The following CNOT6L variants were observed in gnomAD, a reference collection of about 807,000 sequenced individuals.
CNOT6L encodes CCR4-NOT transcription complex subunit 6-like.
In CNOT6L, 7 loss-of-function variants were observed where a neutral mutation model predicts 64.0. The ratio of observed to expected loss-of-function variants is 0.11; its 90% CI spans 0.06 to 0.21. The LOEUF is 0.21. CNOT6L is among the 10% of genes least tolerant of loss of function. CNOT6L has a pLI of 1.00. For synonymous variants in CNOT6L, 193 were observed against 243.4 expected, an observed-to-expected ratio of 0.79 and a Z score of 1.93; for missense variants, 245 against 669.0, an observed-to-expected ratio of 0.37 and a Z score of 6.99.
chr4:77,762,379 G>T (rs1056297870), intron 4 of CNOT6L, among the ~76,000 whole-genome samples: 1 of 151,754 alleles, frequency 6.6e-6, no homozygotes, highest in Non-Finnish European at 1.5e-5. Flanking sequence ...TAGAACAATG[G>T]GACAGAATAG....
intron 11 of CNOT6L, among the ~76,000 whole-genome samples, chr4:77,724,174 A>C (rs2109861538): frequency 6.6e-6 from 1 of 151,564 alleles, no homozygotes; most frequent in East Asian, 2.0e-4. Context: ...TGTCTCTACC[A>C]AAAAAAACCC....
chr4:77,788,665 C>T (rs1425526212), intron 1 of CNOT6L, among the ~76,000 whole-genome samples: 3 of 152,066 alleles, frequency 2.0e-5, no homozygotes, highest in African/African-American at 4.8e-5. Context: ...GAGGCAGACG[C>T]TGCAGTGAGC....
chr4:77,809,437 T>A (rs1732645021), intron 1 of CNOT6L, among the ~76,000 whole-genome samples: 1 of 152,180 alleles, frequency 6.6e-6, no homozygotes, highest in Non-Finnish European at 1.5e-5. Context: ...ATTAACAGGT[T>A]ATATTTTGGT....
chr4:77,794,540 T>C (rs1233073931), intron 1 of CNOT6L, among the ~76,000 whole-genome samples: 6 of 152,152 alleles, frequency 3.9e-5, no homozygotes, highest in South Asian at 2.1e-4. Flanking sequence ...ATCATCTCAA[T>C]AGATACATAA....
At chr4:77,793,597 C>CT (rs1730432392) in intron 1 of CNOT6L, among the ~76,000 whole-genome samples, 1 of 150,370 alleles carries the variant, frequency 6.7e-6, no homozygotes, top group African/African-American at 2.5e-5. Flanking sequence ...TTGGAAAACT[C>CT]TGAGGACAGA....
intron 6 of CNOT6L, among the ~76,000 whole-genome samples, chr4:77,747,667 A>C (rs559411943): frequency 1.9e-3 from 294 of 152,240 alleles, no homozygotes; most frequent in Non-Finnish European, 3.5e-3. Context: ...AAATATGAAG[A>C]AGCTTTATAA....
chr4:77,782,039 A>G (rs1270892420), intron 1 of CNOT6L, among the ~76,000 whole-genome samples: 1 of 152,194 alleles, frequency 6.6e-6, no homozygotes, highest in Non-Finnish European at 1.5e-5. Flanking sequence ...AATTAAGCCT[A>G]TATGAGGCTT....
intron 4 of CNOT6L, among the ~76,000 whole-genome samples, chr4:77,768,474 AATATATATATATAT>A (rs1193284066): frequency 8.4e-4 from 11 of 13,126 alleles, no homozygotes; most frequent in East Asian, 2.7e-3. Flanking sequence ...AAAATAAATA[AATATATATATATAT>A]ATATATATAT....
At chr4:77,730,021 A>G (rs1577923327) in intron 9 of CNOT6L, among the ~76,000 whole-genome samples, 1 of 152,008 alleles carries the variant, frequency 6.6e-6, no homozygotes, top group Admixed American at 6.6e-5. Flanking sequence ...TACTTTACAT[A>G]CCTTTAAACC....
At chr4:77,819,531 G>C (rs1734058279), upstream of CNOT6L, 1 of 735,896 alleles carries the variant, frequency 1.4e-6, no homozygotes, top group African/African-American at 1.9e-5. Flanking sequence ...CGGGGCTCGC[G>C]GGCGGGCGCG....
rs1342332491 is a variant in CNOT6L at position 77,788,322 on chromosome 4, AAAGC to A, written c.6-11934_6-11931del. Among the ~76,000 whole-genome samples the A allele has an allele frequency of 4.6e-5, 7 of 152,360 alleles. No individual in the cohort carries two copies. The South Asian group carries it at 1.0e-3, about 23-fold the overall frequency. ...CTGTACATTATACAAGACAAAATGA[AAAGC>A]AAGTAAAATACGGAAGATATGTATG... On this transcript the variant is annotated intron_variant, in intron 1 of 11. Coordinates refer to ENST00000504123, the MANE Select transcript of CNOT6L (RefSeq NM_144571.3).
intron 1 of CNOT6L, among the ~76,000 whole-genome samples, chr4:77,817,533 C>T (rs1347783666): frequency 6.8e-6 from 1 of 148,092 alleles, no homozygotes; most frequent in Non-Finnish European, 1.5e-5. Flanking sequence ...CTCAAAACGA[C>T]CTTACTATAA....
chr4:77,740,930 C>A (rs1560581569), intron 8 of CNOT6L, among the ~76,000 whole-genome samples: 1 of 152,172 alleles, frequency 6.6e-6, no homozygotes, highest in African/African-American at 2.4e-5. Context: ...CTGGGAACAA[C>A]AGGCTATACC....
chr4:77,738,081 A>G (rs1285287744), intron 8 of CNOT6L, among the ~76,000 whole-genome samples: 1 of 152,130 alleles, frequency 6.6e-6, no homozygotes, highest in African/African-American at 2.4e-5. Context: ...TGATAATAGA[A>G]GAAAAAAAAG....
intron 1 of CNOT6L, among the ~76,000 whole-genome samples, chr4:77,787,988 C>T (rs947001420): frequency 6.6e-6 from 1 of 152,118 alleles, no homozygotes. Flanking sequence ...GTTTGAAAAC[C>T]CTCAAAATGA....
upstream of CNOT6L, among the ~76,000 whole-genome samples, chr4:77,820,208 A>G (rs1176814275): frequency 6.6e-6 from 1 of 152,102 alleles, no homozygotes. Context: ...GAGATTAATA[A>G]CAAGGTGCAG....
intron 1 of CNOT6L, among the ~76,000 whole-genome samples, chr4:77,801,097 T>A (rs1424990220): frequency 2.0e-5 from 3 of 152,084 alleles, no homozygotes; most frequent in Non-Finnish European, 4.4e-5. Flanking sequence ...ATTAGAAGGA[T>A]AAAGAACAAG....
At chr4:77,779,230 A>T (rs533181022) in intron 1 of CNOT6L, among the ~76,000 whole-genome samples, 1 of 152,100 alleles carries the variant, frequency 6.6e-6, no homozygotes, top group South Asian at 2.1e-4. Context: ...GAAGCACATA[A>T]CATGTATTTG....
At chr4:77,781,236 G>A (rs113859637) in intron 1 of CNOT6L, among the ~76,000 whole-genome samples, 116 of 152,062 alleles carry the variant, frequency 7.6e-4, no homozygotes, top group Middle Eastern at 3.4e-3. Context: ...TGGATGCAGG[G>A]GTTAAAACCT....
Sources: gnomAD v4.1 joint callset for allele counts (sites outside exome capture counted in the v4.1 genomes callset) on GRCh38, gnomAD v4.1.1 for gene constraint, MANE v1.5 for transcripts, NCBI Gene and HGNC (gene_info 2026-07-23, HGNC 2026-07-21) for gene names.